ZFAND3: variants seen among roughly 807,000 people sequenced by gnomAD.
ZFAND3 encodes the protein zinc finger AN1-type containing 3.
Under a neutral mutation model 29.6 loss-of-function variants are expected in ZFAND3, and 10 were observed. The observed-to-expected ratio is 0.34, with a 90% CI of 0.21 to 0.57. The LOEUF is 0.57. ZFAND3 is among the 20% of genes least tolerant of loss of function. ZFAND3 has a pLI of 0.86. For missense variants in ZFAND3, 230 were observed against 304.5 expected (o/e 0.76, Z 1.82); for synonymous variants, 128 against 112.6 (o/e 1.14, Z -0.87).
chr6:38,046,602 A>G (rs897032522), intron 2 of ZFAND3, among the ~76,000 whole-genome samples: 7 of 152,242 alleles, frequency 4.6e-5, no homozygotes, highest in Non-Finnish European at 1.0e-4. Context: ...ATAGGGAGCT[A>G]TAAATAAAAA....
chr6:38,030,048 CTGGATATATATATATATATATA>C (rs1763523760), intron 2 of ZFAND3, among the ~76,000 whole-genome samples: 1 of 68,608 alleles, frequency 1.5e-5, no homozygotes, highest in African/African-American at 6.1e-5. Flanking sequence ...TGTAGTTCTG[CTGGATATATATATATATATATA>C]TATATATATA....
Position 38,105,812 on chromosome 6 carries a change from C to T in ZFAND3, c.362-10760C>T, listed in dbSNP as rs577247604. On this transcript the variant is annotated intron_variant, in intron 4 of 5. Transcript: ENST00000287218. ...TTTAATAATAAAAAGAAAATGGGCT[C>T]GGAACATTCCTAATAGAGAAAAATT... Among the ~76,000 whole-genome samples, 8 of 152,196 alleles carry T rather than the reference C, an allele frequency of 5.3e-5. No homozygotes were observed. In the East Asian group the frequency reaches 5.8e-4, roughly 11 times the overall value.
chr6:38,048,629 A>AAAAAAAAAAAAAAAAAAAAAAG (rs1189085007), intron 2 of ZFAND3, among the ~76,000 whole-genome samples: 1 of 149,066 alleles, frequency 6.7e-6, no homozygotes, highest in African/African-American at 2.5e-5. Context: ...CTCAAAAAAA[A>AAAAAAAAAAAAAAAAAAAAAAG]AAAAATTCAA....
In ZFAND3 at chr6:37,848,897, C is replaced by T. The variant is rs574745448; in HGVS notation, c.71+28881C>T. Among the ~76,000 whole-genome samples, 3 of 152,122 alleles carry T rather than the reference C, an allele frequency of 2.0e-5. No homozygotes were observed. The East Asian group carries it at 5.8e-4, about 29-fold the overall frequency. ...ATAAGAGAATTGTTGAGAGAGCTGTCAGCTTCTCCTTTAAACTTCTATTTT... is the reference window on the plus strand; with the variant it reads ...ATAAGAGAATTGTTGAGAGAGCTGTTAGCTTCTCCTTTAAACTTCTATTTT... On this transcript the variant is annotated intron_variant, in intron 1 of 5. Coordinates refer to ENST00000287218, the MANE Select transcript of ZFAND3 (RefSeq NM_021943.3).
At chr6:37,969,360 G>T (rs974493866) in intron 2 of ZFAND3, among the ~76,000 whole-genome samples, 2 of 152,274 alleles carry the variant, frequency 1.3e-5, no homozygotes, top group Admixed American at 6.5e-5. Context: ...TGAAAATGCC[G>T]TAAGTCAAAA....
At chr6:38,039,516 T>TA (rs1226178282) in intron 2 of ZFAND3, among the ~76,000 whole-genome samples, 23 of 152,272 alleles carry the variant, frequency 1.5e-4, no homozygotes, top group African/African-American at 4.8e-4. Flanking sequence ...ATTCATAAGG[T>TA]AGAGTAGTAG....
At chr6:37,996,728 C>T (rs1436025184) in intron 2 of ZFAND3, among the ~76,000 whole-genome samples, 1 of 151,954 alleles carries the variant, frequency 6.6e-6, no homozygotes, top group Non-Finnish European at 1.5e-5. Flanking sequence ...GTATATTTTC[C>T]TTCAGGTTCT....
At chr6:38,140,403 C>A (rs955053520) in intron 5 of ZFAND3, among the ~76,000 whole-genome samples, 11 of 152,140 alleles carry the variant, frequency 7.2e-5, no homozygotes, top group African/African-American at 2.7e-4. Flanking sequence ...TGTCACAGAG[C>A]CCACAGGAGT....
intron 1 of ZFAND3, among the ~76,000 whole-genome samples, chr6:37,891,647 TAGA>T (rs972714225): frequency 1.3e-5 from 2 of 152,068 alleles, no homozygotes; most frequent in Non-Finnish European, 2.9e-5. Flanking sequence ...AACAAGGAAA[TAGA>T]AGACTTGCAT....
chr6:37,915,232 G>A (rs193266818), intron 1 of ZFAND3, among the ~76,000 whole-genome samples: 117 of 152,224 alleles, frequency 7.7e-4, no homozygotes, highest in African/African-American at 2.7e-3. Flanking sequence ...TTAGGCTCTT[G>A]TTCTGGATTA....
intron 4 of ZFAND3, among the ~76,000 whole-genome samples, chr6:38,100,315 A>C (rs1332242692): frequency 2.0e-4 from 30 of 151,866 alleles, no homozygotes; most frequent in Admixed American, 2.0e-3. Flanking sequence ...GCCTGCCTCG[A>C]CCTCCCAAAG....
At chr6:37,828,033 C>G (rs1386230696) in intron 1 of ZFAND3, among the ~76,000 whole-genome samples, 1 of 152,190 alleles carries the variant, frequency 6.6e-6, no homozygotes, top group Non-Finnish European at 1.5e-5. Context: ...TTTATTTCTG[C>G]TGAAGTAGAG....
intron 4 of ZFAND3, among the ~76,000 whole-genome samples, chr6:38,094,267 GTAGTT>G (rs1165724244): frequency 6.6e-6 from 1 of 152,020 alleles, no homozygotes; most frequent in Non-Finnish European, 1.5e-5. Context: ...CTGTCATTAA[GTAGTT>G]TAAGTTTATA....
At chr6:37,861,193 G>T (rs1373185849) in intron 1 of ZFAND3, among the ~76,000 whole-genome samples, 1 of 152,142 alleles carries the variant, frequency 6.6e-6, no homozygotes, top group African/African-American at 2.4e-5. Context: ...GGAGGTGGAG[G>T]TTGCAGTGAG....
intron 5 of ZFAND3, among the ~76,000 whole-genome samples, chr6:38,119,936 TC>T (rs1043503251): frequency 1.3e-5 from 2 of 152,208 alleles, no homozygotes; most frequent in African/African-American, 2.4e-5. Context: ...ATACGAATTC[TC>T]CTCTGCCTCC....
chr6:37,997,950 G>A (rs1762879945), intron 2 of ZFAND3, among the ~76,000 whole-genome samples: 1 of 152,092 alleles, frequency 6.6e-6, no homozygotes, highest in South Asian at 2.1e-4. Flanking sequence ...CAGGAAGAAG[G>A]GATGGTGTTA....
At chr6:38,073,761 A>G (rs1764501632) in intron 3 of ZFAND3, among the ~76,000 whole-genome samples, 1 of 152,196 alleles carries the variant, frequency 6.6e-6, no homozygotes, top group African/African-American at 2.4e-5. Context: ...AAGGTATAGG[A>G]TTCTAGGTGA....
chr6:37,920,010 A>AT (rs575431472), intron 1 of ZFAND3, among the ~76,000 whole-genome samples: 56 of 145,688 alleles, frequency 3.8e-4, no homozygotes, highest in African/African-American at 1.4e-3. Flanking sequence ...GCATGACTGC[A>AT]TACTTGGATT....
intron 1 of ZFAND3, among the ~76,000 whole-genome samples, chr6:37,887,151 G>A (rs547119598): frequency 6.6e-6 from 1 of 152,262 alleles, no homozygotes; most frequent in South Asian, 2.1e-4. Flanking sequence ...ATGAATAAAA[G>A]CCCGTTTGGC....
Sources: allele counts gnomAD v4.1 joint callset (sites outside exome capture counted in the v4.1 genomes callset), GRCh38; gene constraint gnomAD v4.1.1; transcripts MANE v1.5; gene names NCBI Gene and HGNC (gene_info 2026-07-23, HGNC 2026-07-21).